Variants in MOB4 observed in about 807,000 individuals in gnomAD.
MOB4 encodes MOB-like protein phocein.
Under a neutral mutation model 32.2 loss-of-function variants are expected in MOB4, and 4 were observed. The ratio of observed to expected loss-of-function variants is 0.12; its 90% CI spans 0.06 to 0.28. The LOEUF (loss-of-function observed/expected upper bound fraction) is 0.28, where lower values mean the gene tolerates loss of function less well. Among genes scored for constraint, MOB4 ranks in the 10% least tolerant of loss-of-function variants. The pLI, the probability that MOB4 is intolerant of heterozygous loss-of-function variation, is 1.00. For missense variants in MOB4, 158 were observed against 271.2 expected (o/e 0.58, Z 2.93); for synonymous variants, 88 against 88.1 (o/e 1.00, Z 0.01).
At chr2:197,540,763 T>C (rs1478819275) in intron 5 of MOB4, among the ~76,000 whole-genome samples, 1 of 152,218 alleles carries the variant, frequency 6.6e-6, no homozygotes, top group Non-Finnish European at 1.5e-5. Flanking sequence ...ATTATTTCTT[T>C]TGATAGGAAG....
chr2:197,518,746 A>T (rs2086461611), intron 1 of MOB4, among the ~76,000 whole-genome samples: 1 of 150,174 alleles, frequency 6.7e-6, no homozygotes, highest in Non-Finnish European at 1.5e-5. Context: ...TTTTATTTTT[A>T]TTTTTATTTA....
In MOB4 at chr2:197,553,551, T is replaced by G. The variant is rs976120727; in HGVS notation, c.*2905T>G. The G allele has an allele frequency of 6.6e-5, 10 of 152,252 alleles. No homozygotes were observed. Among genetic ancestry groups the G allele is most frequent in the African/African-American group, 2.2e-4 (9 of 41,476 alleles). 9.4% of individuals were successfully genotyped at this position (152,252 alleles called of 1,614,324 possible). On this transcript the variant is annotated 3_prime_UTR_variant, in exon 8 of 8. Coordinates refer to ENST00000323303, the MANE Select transcript of MOB4 (RefSeq NM_015387.5). ...AGTTTTTTATGTGAGTACTTTGCCC[T>G]ACTGTCTATATGATGACATCTTTTT...
chr2:197,532,209 A>G (rs758136644), intron 2 of MOB4, among the ~76,000 whole-genome samples: 34 of 152,166 alleles, frequency 2.2e-4, no homozygotes, highest in Non-Finnish European at 4.6e-4. Context: ...GTGACTGGCC[A>G]AAATGGCATT....
rs2087112213 is a variant in MOB4 at position 197,552,339 on chromosome 2, A to G, written c.*1693A>G. The G allele has an allele frequency of 6.6e-6, 1 of 152,330 alleles. No homozygotes were observed. 9.4% of individuals were successfully genotyped at this position (152,330 alleles called of 1,614,324 possible). A position where few individuals can be genotyped will look rare whatever the true frequency, so the allele number is the denominator to read the frequency against. The stretch of plus-strand genomic sequence containing the variant: ...ATTTTTAAACTTGCTAAATATTGAG[A>G]AACTAAACTACTAAGTTAATAAATT... On this transcript the variant is annotated 3_prime_UTR_variant, in exon 8 of 8. Transcript: ENST00000323303.
At chr2:197,532,627 A>G (rs924175642) in intron 2 of MOB4, among the ~76,000 whole-genome samples, 2 of 152,142 alleles carry the variant, frequency 1.3e-5, no homozygotes, top group Non-Finnish European at 2.9e-5. Context: ...CAGAGGTTGC[A>G]GTGAGCCGAG....
Position 197,540,455 on chromosome 2 carries a change from A to G in MOB4, c.354+18A>G, listed in dbSNP as rs1418135598. The G allele has an allele frequency of 4.5e-6, 7 of 1,551,648 alleles. No individual in the cohort carries two copies. In the South Asian group the frequency reaches 8.8e-5, roughly 20 times the overall value. On this transcript the variant is annotated intron_variant, in intron 5 of 7. Transcript: ENST00000323303. The stretch of plus-strand genomic sequence containing the variant: ...CAAAAGAGGTGAGGATTTATGAAAT[A>G]GAGTAACTAATAAAATTATTATAGC...
At chr2:197,533,508 T>C (rs2086742060) in intron 2 of MOB4, among the ~76,000 whole-genome samples, 1 of 152,130 alleles carries the variant, frequency 6.6e-6, no homozygotes, top group Non-Finnish European at 1.5e-5. Flanking sequence ...GTGGATCAGC[T>C]GAGGTCAGGA....
At chr2:197,540,635 A>G (rs2086880669) in intron 5 of MOB4, among the ~76,000 whole-genome samples, 198 bp downstream of exon 5, 1 of 152,210 alleles carries the variant, frequency 6.6e-6, no homozygotes, top group East Asian at 1.9e-4. Context: ...TAATTGGGCA[A>G]TTACATGGGC....
intron 2 of MOB4, 69 bp from the exon 3 acceptor site, chr2:197,535,461 A>G (rs1464473188): frequency 3.5e-6 from 5 of 1,426,234 alleles, no homozygotes; most frequent in Non-Finnish European, 4.7e-6. Context: ...TTAACAAATT[A>G]TATGTACTTA....
intron 3 of MOB4, among the ~76,000 whole-genome samples, chr2:197,537,672 G>A (rs1302522351): frequency 6.6e-6 from 1 of 152,128 alleles, no homozygotes; most frequent in Non-Finnish European, 1.5e-5. Flanking sequence ...TTCAAAGTAC[G>A]AGTCTGTAGA....
intron 5 of MOB4, among the ~76,000 whole-genome samples, chr2:197,544,913 C>T (rs79340967): frequency 0.018 from 2,792 of 152,182 alleles, 92 homozygotes; most frequent in African/African-American, 0.063. Context: ...CAAGTGCTGA[C>T]GGGGATGTGA....
intron 2 of MOB4, chr2:197,534,069 C>T (rs2086755598): frequency 2.6e-6 from 1 of 383,640 alleles, no homozygotes; most frequent in Admixed American, 3.2e-5. Context: ...GACAGTTGTA[C>T]ATGCTGTATT....
rs2087034896 is a variant in MOB4, at chr2:197,548,386, T to C, written c.405T>C (p.Leu135=). 6.2e-7 allele frequency: 1 copy of C among 1,610,580 alleles called. No individual in the cohort carries two copies. Among genetic ancestry groups the C allele is most frequent in the South Asian group, 1.1e-5 (1 of 90,876 alleles). The change falls in exon 6 of 8, where the codon CTT becomes CTC. Residue 135 remains leucine, a synonymous_variant. Transcript: ENST00000323303. ...TRHTLDGAAC[L]LNSNKYFPSR... ...ACACACTTGATGGTGCTGCATGTCT[T>C]CTGAATAGCAATAAATATTTTCCCA...
Position 197,516,085 on chromosome 2 carries a change from C to T in MOB4, c.-2C>T, listed in dbSNP as rs1335661068. The T allele has an allele frequency of 1.3e-6, 2 of 1,595,346 alleles. No homozygotes were observed. The highest frequency in any genetic ancestry group is 8.5e-7 in the Non-Finnish European group (1 of 1,172,342). On this transcript the variant is annotated 5_prime_UTR_variant, in exon 1 of 8. Transcript: ENST00000323303. ...GACTCCAGCCGCCTAGACGCTGGCA[C>T]TATGGTCATGGCGGAGGGGACGGCA...
rs557237996 is a variant in MOB4 at position 197,517,524 on chromosome 2, TGA to T, written c.60+1382_60+1383del. Among the ~76,000 whole-genome samples, 26 of 152,356 alleles carry T rather than the reference TGA, an allele frequency of 1.7e-4. 1 individual carries two copies. In the South Asian group the frequency reaches 5.4e-3, roughly 32 times the overall value. On this transcript the variant is annotated intron_variant, in intron 1 of 7. Transcript: ENST00000323303. Reference sequence around the variant, plus strand: ...GAAGTAGACTTTTCTGTTCATATTCTGAGAGTCATCTCATTTATTCATAAGTT... The same window carrying T: ...GAAGTAGACTTTTCTGTTCATATTCTGAGTCATCTCATTTATTCATAAGTT...
intron 2 of MOB4, among the ~76,000 whole-genome samples, chr2:197,525,988 G>A (rs1035281982): frequency 1.3e-5 from 2 of 152,142 alleles, no homozygotes; most frequent in African/African-American, 4.8e-5. Context: ...CGAGACCCAT[G>A]TCATATAATT....
At chr2:197,543,465 G>A (rs188012293) in intron 5 of MOB4, among the ~76,000 whole-genome samples, 8 of 151,270 alleles carry the variant, frequency 5.3e-5, no homozygotes, top group African/African-American at 9.7e-5. Flanking sequence ...AAAAACCACC[G>A]TGAGAATGGA....
intron 2 of MOB4, among the ~76,000 whole-genome samples, chr2:197,531,299 C>T (rs1482838889): frequency 6.6e-6 from 1 of 151,974 alleles, no homozygotes; most frequent in Non-Finnish European, 1.5e-5. Flanking sequence ...CCACCTCGGC[C>T]TCCCAAAGTG....
intron 2 of MOB4, among the ~76,000 whole-genome samples, chr2:197,530,951 G>T (rs2086691129): frequency 6.6e-6 from 1 of 151,736 alleles, no homozygotes; most frequent in Non-Finnish European, 1.5e-5. Context: ...ATTTCTTTGG[G>T]TTTATCTTGT....
Sources: allele counts gnomAD v4.1 joint callset (sites outside exome capture counted in the v4.1 genomes callset), GRCh38; gene constraint gnomAD v4.1.1; transcripts MANE v1.5; gene names NCBI Gene and HGNC (gene_info 2026-07-23, HGNC 2026-07-21).